Variants in CNTN4 observed in about 807,000 individuals in gnomAD.
CNTN4 encodes the protein contactin-4.
In CNTN4, 77 loss-of-function variants were observed where a neutral mutation model predicts 122.5. That is an observed-to-expected ratio of 0.63 (90% CI 0.52 to 0.76). The LOEUF (loss-of-function observed/expected upper bound fraction) is 0.76. Ranked by LOEUF, CNTN4 falls within the 30% of genes least tolerant of loss-of-function variation. The pLI is 0.00. For synonymous variants in CNTN4, 512 were observed against 447.0 expected (o/e 1.15, Z -1.83); for missense variants, 1,256 against 1,259.1 (o/e 1.00, Z 0.04).
intron 4 of CNTN4, among the ~76,000 whole-genome samples, chr3:2,596,997 A>G (rs554188105): frequency 5.3e-5 from 8 of 152,184 alleles, no homozygotes; most frequent in East Asian, 1.9e-4. Context: ...GCTTCTGCAC[A>G]TAGCCCATAT....
chr3:2,378,043 C>T (rs545188478), intron 3 of CNTN4, among the ~76,000 whole-genome samples: 1 of 152,128 alleles, frequency 6.6e-6, no homozygotes, highest in Non-Finnish European at 1.5e-5. Flanking sequence ...CTGACTCTTG[C>T]AATATTTGGA....
intron 2 of CNTN4, among the ~76,000 whole-genome samples, chr3:2,140,583 C>T (rs933416630): frequency 3.3e-5 from 5 of 152,108 alleles, no homozygotes; most frequent in African/African-American, 9.7e-5. Flanking sequence ...TTTATAAGGG[C>T]GCTAACCCCA....
Position 2,886,934 on chromosome 3 carries a change from A to G in CNTN4, c.756-106A>G, listed in dbSNP as rs1348512872. ...GATAGAGGAATGAATGAAGTTTGCA[A>G]AACACCCAACCTTATATGTGTAGAA... On this transcript the variant is annotated intron_variant, in intron 9 of 24. Coordinates refer to ENST00000418658, the MANE Select transcript of CNTN4 (RefSeq NM_175607.3). 4.3e-6 allele frequency: 4 copies of G among 922,390 alleles called. No individual in the cohort carries two copies. The East Asian group carries it at 1.0e-4, about 24-fold the overall frequency. The allele number at this position is 922,390 out of a possible 1,614,324, so 57.1% of individuals were successfully genotyped here.
At chr3:2,328,801 A>C (rs1474115405) in intron 2 of CNTN4, among the ~76,000 whole-genome samples, 1 of 152,188 alleles carries the variant, frequency 6.6e-6, no homozygotes, top group African/African-American at 2.4e-5. Flanking sequence ...CAGGAGTCAC[A>C]TGTAAATACG....
chr3:2,392,413 C>T (rs1336361784), intron 3 of CNTN4, among the ~76,000 whole-genome samples: 1 of 152,162 alleles, frequency 6.6e-6, no homozygotes, highest in Non-Finnish European at 1.5e-5. Flanking sequence ...TGGTTGGCTT[C>T]CTACTCATTA....
At chr3:2,524,611 G>A (rs1216409389) in intron 3 of CNTN4, among the ~76,000 whole-genome samples, 3 of 152,034 alleles carry the variant, frequency 2.0e-5, no homozygotes, top group African/African-American at 7.2e-5. Flanking sequence ...TCAATGAAGA[G>A]TTTTACTCAT....
chr3:3,037,386 A>C, intron 18 of CNTN4, 58 bp downstream of exon 18: 2 of 1,611,626 alleles, frequency 1.2e-6, no homozygotes, highest in Non-Finnish European at 1.7e-6. Flanking sequence ...CCTTAGGAAA[A>C]GCGTTTGAAT....
intron 23 of CNTN4, 129 bp downstream of exon 23, chr3:3,043,833 GC>G: frequency 1.4e-6 from 1 of 717,628 alleles, no homozygotes; most frequent in Admixed American, 2.0e-5. Context: ...AGGAATCGCT[GC>G]CTCCAACACG....
At chr3:2,657,215 A>G (rs190542455) in intron 4 of CNTN4, among the ~76,000 whole-genome samples, 2 of 152,332 alleles carry the variant, frequency 1.3e-5, no homozygotes, top group Admixed American at 1.3e-4. Context: ...AAAACTAAAT[A>G]AAAATGACCT....
Position 3,043,275 on chromosome 3 carries a change from A to T in CNTN4, c.2698+112A>T, listed in dbSNP as rs1313102701. The stretch of plus-strand genomic sequence containing the variant: ...TTGCATACTAATTAGTAGCATGTGG[A>T]TTCAAATTTCCCTCAGCATTTTAAC... On this transcript the variant is annotated intron_variant, in intron 22 of 24. Coordinates refer to ENST00000418658, the MANE Select transcript of CNTN4 (RefSeq NM_175607.3). 4 of 1,056,790 alleles carry T rather than the reference A, an allele frequency of 3.8e-6. No homozygotes were observed. The East Asian group carries it at 1.0e-4, about 26-fold the overall frequency. The allele number at this position is 1,056,790 out of a possible 1,614,324, so 65.5% of individuals were successfully genotyped here.
chr3:2,365,305 G>A (rs1202075111), intron 3 of CNTN4, among the ~76,000 whole-genome samples: 3 of 152,144 alleles, frequency 2.0e-5, no homozygotes, highest in African/African-American at 7.2e-5. Context: ...GGTCCCTCAT[G>A]TGGGCAAAAG....
chr3:2,190,829 CACACAT>C (rs1388641498), intron 2 of CNTN4, among the ~76,000 whole-genome samples: 4 of 144,446 alleles, frequency 2.8e-5, no homozygotes, highest in Admixed American at 6.7e-5. Context: ...CACACACACA[CACACAT>C]ACACACACAC....
intron 3 of CNTN4, among the ~76,000 whole-genome samples, chr3:2,434,224 T>C (rs2616574): frequency 0.73 from 111,045 of 152,142 alleles, 41,059 homozygotes; most frequent in African/African-American, 0.84. Flanking sequence ...AATCATTTCA[T>C]ATTGTAAACA....
At chr3:2,438,864 A>G (rs1271807837) in intron 3 of CNTN4, among the ~76,000 whole-genome samples, 12 of 152,172 alleles carry the variant, frequency 7.9e-5, no homozygotes, top group Non-Finnish European at 1.8e-4. Context: ...TAACATCTGC[A>G]GCAGTGTTTC....
At chr3:2,797,097 C>T (rs539003702) in intron 6 of CNTN4, among the ~76,000 whole-genome samples, 2 of 152,258 alleles carry the variant, frequency 1.3e-5, no homozygotes, top group South Asian at 4.1e-4. Context: ...AACTCCTGGG[C>T]TGAAGTGATC....
intron 7 of CNTN4, among the ~76,000 whole-genome samples, chr3:2,839,894 G>A (rs919528106): frequency 1.1e-4 from 16 of 152,132 alleles, no homozygotes; most frequent in Non-Finnish European, 2.1e-4. Context: ...GCAATCTAGG[G>A]ACTTTTTTAA....
chr3:2,785,895 G>GCCCCCCCCCCCCCCCCCCCCCCCCTCC (rs149802098), intron 6 of CNTN4, among the ~76,000 whole-genome samples: 1 of 81,668 alleles, frequency 1.2e-5, no homozygotes, highest in African/African-American at 4.3e-5. Flanking sequence ...GGCCCACGCT[G>GCCCCCCCCCCCCCCCCCCCCCCCCTCC]CCCCCCCCCG....
intron 2 of CNTN4, among the ~76,000 whole-genome samples, chr3:2,116,607 T>A (rs1271922828): frequency 2.0e-5 from 3 of 152,156 alleles, no homozygotes; most frequent in Non-Finnish European, 4.4e-5. Context: ...TAGGTAGATA[T>A]AAATAGGATT....
chr3:3,006,041 A>G (rs1478195900), intron 14 of CNTN4, among the ~76,000 whole-genome samples: 1 of 150,914 alleles, frequency 6.6e-6, no homozygotes, highest in Non-Finnish European at 1.5e-5. Flanking sequence ...GCCCACCCCC[A>G]CGCTCGGCTA....
Sources: allele counts gnomAD v4.1 joint callset (sites outside exome capture counted in the v4.1 genomes callset), GRCh38; gene constraint gnomAD v4.1.1; transcripts MANE v1.5; gene names NCBI Gene and HGNC (gene_info 2026-07-23, HGNC 2026-07-21).